Variants in ADGRV1 observed in about 807,000 individuals in gnomAD.
ADGRV1 encodes the protein adhesion G protein-coupled receptor V1.
ADGRV1 carries 359 observed loss-of-function variants against 596.2 expected under a neutral mutation model. The observed-to-expected ratio is 0.60, with a 90% CI of 0.55 to 0.66. The LOEUF is 0.66. Among genes scored for constraint, ADGRV1 ranks in the 30% least tolerant of loss-of-function variants. The pLI is 0.00. For missense variants in ADGRV1, 7,274 were observed against 7,575.6 expected (o/e 0.96, Z 1.48); for synonymous variants, 2,681 against 2,679.2 (o/e 1.00, Z -0.02).
rs1385277579 is a variant in ADGRV1, at chr5:91,102,238, T to A, written c.18330T>A (p.Tyr6110Ter). Residue 6110 changes from tyrosine to a stop codon, truncating the protein, a stop_gained, in exon 87 of 90, where the codon TAT becomes TAA. Transcript: ENST00000405460. LOFTEE classifies it high-confidence loss of function. ...TNAAEIPLIL[Y>*]LFALISVTWL... ...TTCTAGAAATTCCACTGATTTTATA[T>A]CTCTTTGCTCTGATTTCCGTGACAT... The A allele has an allele frequency of 6.2e-7, 1 of 1,609,336 alleles. No individual in the cohort carries two copies. The highest frequency in any genetic ancestry group is 1.7e-5 in the Admixed American group (1 of 59,372).
intron 21 of ADGRV1, among the ~76,000 whole-genome samples, chr5:90,660,267 A>G (rs1770072042): frequency 6.6e-6 from 1 of 152,150 alleles, no homozygotes; most frequent in South Asian, 2.1e-4. Flanking sequence ...TCAATATTTA[A>G]ATTTTTAATT....
At chr5:90,806,834 GATTT>G (rs1328118265) in intron 72 of ADGRV1, among the ~76,000 whole-genome samples, 1 of 151,696 alleles carries the variant, frequency 6.6e-6, no homozygotes, top group Non-Finnish European at 1.5e-5. Flanking sequence ...TCACTGACTA[GATTT>G]ATTTATTTAT....
At position 90,745,094 on chromosome 5, in the gene ADGRV1, A is replaced by G; in HGVS notation, c.10598A>G (p.Asn3533Ser). ...GQDMSALYCW[N>S]SERNQFSFVL... is the part of the protein sequence containing the mutation. ...GATATGTCTGCTCTTTACTGCTGGA[A>G]TTCGGAGCGTAATCAATTCTCTTTT... The change falls in exon 51 of 90, where the codon AAT becomes AGT. Residue 3533 changes from asparagine (N) to serine (S), a missense_variant. Transcript: ENST00000405460. 3 of 1,613,844 alleles carry G rather than the reference A, an allele frequency of 1.9e-6. No individual in the cohort carries two copies. The highest frequency in any genetic ancestry group is 2.5e-6 in the Non-Finnish European group (3 of 1,179,800).
intron 65 of ADGRV1, among the ~76,000 whole-genome samples, chr5:90,781,949 T>A (rs539062704): frequency 4.5e-4 from 69 of 152,276 alleles, no homozygotes; most frequent in Middle Eastern, 3.4e-3. Context: ...ATCTTTGAAA[T>A]GAATATTTTA....
chr5:91,050,456 A>G (rs1786216787), intron 85 of ADGRV1, among the ~76,000 whole-genome samples: 1 of 152,198 alleles, frequency 6.6e-6, no homozygotes, highest in South Asian at 2.1e-4. Context: ...ATCATTATCA[A>G]TATCAGGTAT....
In ADGRV1 at chr5:90,774,293, T is replaced by C; in HGVS notation, c.12393T>C (p.Ser4131=). Residue 4131 remains serine, a synonymous_variant, in exon 60 of 90, where the codon TCT becomes TCC. Coordinates refer to ENST00000405460, the MANE Select transcript of ADGRV1 (RefSeq NM_032119.4). ...TATCAATTGATGAGGTAGAAATATCTCCAGTAAAAGGTAAGAGAAATTCAC... is the reference window on the plus strand; with the variant it reads ...TATCAATTGATGAGGTAGAAATATCCCCAGTAAAAGGTAAGAGAAATTCAC... The part of the protein sequence containing the change: ...QLISIDEVEI[S]PVKGSASIII... 2 of 1,536,766 alleles carry C rather than the reference T, an allele frequency of 1.3e-6. No homozygotes were observed. Among genetic ancestry groups the C allele is most frequent in the South Asian group, 1.1e-5 (1 of 89,500 alleles).
Position 90,679,627 on chromosome 5 carries a change from G to A in ADGRV1, c.5522G>A (p.Arg1841His), listed in dbSNP as rs757053598. The A allele has an allele frequency of 9.3e-6, 15 of 1,611,088 alleles. No homozygotes were observed. In the East Asian group the frequency reaches 1.8e-4, roughly 19 times the overall value. Residue 1841 changes from arginine to histidine, a missense_variant and splice_region_variant, in exon 26 of 90, where the codon CGT becomes CAT. Arg to His is a conservative substitution (Grantham distance 29, BLOSUM62 0). Transcript: ENST00000405460. ...MEFFLPTIHK[R>H]ASLGVASQIL... ...TTCTTCCTTCCAACTATTCACAAAC[G>A]TGGTAAGCAGTTTTTCCAAGGTCCT...
intron 87 of ADGRV1, among the ~76,000 whole-genome samples, chr5:91,143,724 A>G (rs542731224): frequency 6.6e-6 from 1 of 152,264 alleles, no homozygotes; most frequent in East Asian, 1.9e-4. Context: ...CCCAGGCTTC[A>G]GGCCTTCCCC....
At chr5:90,635,445 T>G (rs762865052) in intron 10 of ADGRV1, among the ~76,000 whole-genome samples, 155 bp downstream of exon 10, 11 of 152,196 alleles carry the variant, frequency 7.2e-5, no homozygotes, top group Non-Finnish European at 1.3e-4. Flanking sequence ...AGGTAACTGA[T>G]GAGTATGTGA....
intron 42 of ADGRV1, 73 bp downstream of exon 42, chr5:90,712,501 G>A (rs1453016686): frequency 1.3e-4 from 140 of 1,115,986 alleles, no homozygotes; most frequent in Non-Finnish European, 1.7e-4. Context: ...AAGATGTAAA[G>A]GAATGAGAAA....
In ADGRV1 at chr5:90,622,686, C is replaced by G. The variant is rs1764244413; in HGVS notation, c.543C>G (p.Val181=). 3.3e-6 allele frequency: 5 copies of G among 1,516,948 alleles called. No individual in the cohort carries two copies. Among genetic ancestry groups the G allele is most frequent in the Middle Eastern group, 1.7e-4 (1 of 5,800 alleles). The allele number at this position is 1,516,948 out of a possible 1,614,324, so 94.0% of individuals were successfully genotyped here. The change falls in exon 5 of 90, where the codon GTC becomes GTG. Residue 181 remains valine (V), a synonymous_variant. Transcript: ENST00000405460. The part of the protein sequence containing the change: ...LIREKGTYGM[V]MVTFEVEGGP... ...GGGAAAAGGGAACCTATGGAATGGTCATGGTGACTTTTGAGGTAAGTTTAC... is the reference window on the plus strand; with the variant it reads ...GGGAAAAGGGAACCTATGGAATGGTGATGGTGACTTTTGAGGTAAGTTTAC...
intron 1 of ADGRV1, among the ~76,000 whole-genome samples, chr5:90,560,371 G>A (rs1263279806): frequency 6.6e-6 from 1 of 152,032 alleles, no homozygotes; most frequent in Non-Finnish European, 1.5e-5. Context: ...CTTAATGAAT[G>A]CCTGCTATGT....
chr5:90,839,904 T>C (rs1245745369), intron 77 of ADGRV1, among the ~76,000 whole-genome samples: 1 of 152,224 alleles, frequency 6.6e-6, no homozygotes, highest in Non-Finnish European at 1.5e-5. Flanking sequence ...TCTATATCCA[T>C]TGTATGTCAC....
At chr5:90,657,768 T>C (rs1580624072) in intron 20 of ADGRV1, 137 bp from the exon 21 acceptor site, 7 of 699,718 alleles carry the variant, frequency 1.0e-5, no homozygotes, top group East Asian at 2.8e-5. Context: ...TCCAATTCAT[T>C]GTATACTAGT....
chr5:90,722,716 CAAAAAAAAAAAAAAAAAAAAAAAA>C (rs55761821), intron 45 of ADGRV1, among the ~76,000 whole-genome samples: 59 of 32,898 alleles, frequency 1.8e-3, no homozygotes, highest in African/African-American at 7.0e-3. Flanking sequence ...AACTCCGTCT[CAAAAAAAAAAAAAAAAAAAAAAAA>C]AAAAAAAAAA....
chr5:90,963,368 C>T lies in ADGRV1; in HGVS notation c.17857-2047C>T, dbSNP rs1778185291. ...TTAATTTCTGACCTATAATAAAGGT[C>T]AGAATAAATGGTAAAATTAGACAAA... On this transcript the variant is annotated intron_variant, in intron 83 of 89. Transcript: ENST00000405460. 4.0e-5 allele frequency among the ~76,000 whole-genome samples: 6 copies of T among 151,822 alleles called. No homozygotes were observed. The South Asian group carries it at 1.0e-3, about 26-fold the overall frequency.
At chr5:90,846,894 G>T (rs1489738778) in intron 78 of ADGRV1, among the ~76,000 whole-genome samples, 1 of 152,140 alleles carries the variant, frequency 6.6e-6, no homozygotes, top group Non-Finnish European at 1.5e-5. Flanking sequence ...TTTTGACAGG[G>T]TGCTGACTGG....
intron 86 of ADGRV1, among the ~76,000 whole-genome samples, chr5:91,093,925 C>T (rs1202916583): frequency 1.3e-5 from 2 of 149,894 alleles, no homozygotes; most frequent in Non-Finnish European, 2.9e-5. Context: ...GATCTCTGCT[C>T]ACTGCAACCT....
At chr5:90,726,798 A>T (rs1055308038) in intron 48 of ADGRV1, among the ~76,000 whole-genome samples, 1 of 151,992 alleles carries the variant, frequency 6.6e-6, no homozygotes, top group Non-Finnish European at 1.5e-5. Context: ...CTCTTCACTC[A>T]CTTGGATACT....
Sources: gnomAD v4.1 joint callset for allele counts (sites outside exome capture counted in the v4.1 genomes callset) on GRCh38, gnomAD v4.1.1 for gene constraint, MANE v1.5 for transcripts, NCBI Gene and HGNC (gene_info 2026-07-23, HGNC 2026-07-21) for gene names.